The following SZT2 variants were observed in gnomAD, a reference collection of about 807,000 sequenced individuals.
SZT2 encodes the protein SZT2 subunit of KICSTOR complex.
A neutral mutation model predicts 404.2 loss-of-function variants in SZT2; 216 were observed. That is an observed-to-expected ratio of 0.53 (90% confidence interval 0.48 to 0.60). The LOEUF is 0.60. Ranked by LOEUF, SZT2 falls within the 20% of genes least tolerant of loss-of-function variation. The probability of loss-of-function intolerance (pLI) is 0.00; values close to 1 mark genes in which losing one functional copy is unlikely to be tolerated. For missense variants in SZT2, 3,857 were observed against 4,459.2 expected (o/e 0.86, Z 3.85); for synonymous variants, 1,693 against 1,749.9 (o/e 0.97, Z 0.81).
intron 41 of SZT2, 66 bp downstream of exon 41, chr1:43,434,551 G>A (rs865896029): frequency 9.0e-6 from 12 of 1,327,104 alleles, no homozygotes; most frequent in Non-Finnish European, 1.2e-5. Flanking sequence ...CTAAGAACTT[G>A]ATTTTCAGAG....
At chr1:43,401,476 T>C (rs995361405) in intron 1 of SZT2, among the ~76,000 whole-genome samples, 2 of 152,066 alleles carry the variant, frequency 1.3e-5, no homozygotes, top group African/African-American at 4.8e-5. Flanking sequence ...ACTTTTTTTT[T>C]CTTACTTTTT....
At chr1:43,407,228 G>A (rs996073695) in intron 4 of SZT2, among the ~76,000 whole-genome samples, 2 of 152,178 alleles carry the variant, frequency 1.3e-5, no homozygotes, top group East Asian at 1.9e-4. Flanking sequence ...TCCTGGCTGG[G>A]CGCAGTGGCT....
In SZT2 at chr1:43,439,529, T is replaced by A. The variant is rs1428792205; in HGVS notation, c.6878-76T>A. On this transcript the variant is annotated intron_variant, in intron 49 of 71. Coordinates refer to ENST00000634258, the MANE Select transcript of SZT2 (RefSeq NM_001365999.1). This position sits in a 1 kb window ranked among gnomAD's most constrained non-coding sequence, Gnocchi z 4.2. ...TTGCTAAGAGGACATTTCCCAGGCT[T>A]GCAGCTGAGTGGAGGGTCGTGGGAG... 3.1e-6 allele frequency: 5 copies of A among 1,603,784 alleles called. No homozygotes were observed. The highest frequency in any genetic ancestry group is 4.3e-6 in the Non-Finnish European group (5 of 1,174,590).
intron 33 of SZT2, 55 bp downstream of exon 33, chr1:43,431,145 C>T: frequency 6.3e-7 from 1 of 1,592,338 alleles, no homozygotes; most frequent in Non-Finnish European, 8.5e-7. Flanking sequence ...AGGGGGACCA[C>T]TAAGCGAATC....
At position 43,430,083 on chromosome 1, in the gene SZT2, C is replaced by T. The variant is rs1312192013; in HGVS notation, c.4381C>T (p.Pro1461Ser). 5 of 1,614,106 alleles carry T rather than the reference C, an allele frequency of 3.1e-6. No homozygotes were observed. Among genetic ancestry groups the T allele is most frequent in the South Asian group, 1.1e-5 (1 of 91,070 alleles). Residue 1461 changes from proline (P) to serine (S), a missense_variant, in exon 30 of 72, where the codon CCT becomes TCT. Pro to Ser is a moderately conservative substitution (Grantham distance 74, BLOSUM62 -1). Coordinates refer to ENST00000634258, the MANE Select transcript of SZT2 (RefSeq NM_001365999.1). ...PSNPHYFFYC[P>S]PSSRREDEGP... ...CAATCCCCACTACTTCTTCTATTGC[C>T]CTCCATCCAGCAGGCGAGAAGTGAG...
At chr1:43,429,574 C>G in intron 28 of SZT2, 129 bp from the exon 29 acceptor site, 1 of 1,125,560 alleles carries the variant, frequency 8.9e-7, no homozygotes, top group Non-Finnish European at 1.3e-6. Context: ...CTTTTACCAC[C>G]CATGCCATTA....
In SZT2 at chr1:43,422,226, G is replaced by A. The variant is rs777524473; in HGVS notation, c.1769+1G>A. The A allele has an allele frequency of 1.9e-6, 3 of 1,579,730 alleles. No individual in the cohort carries two copies. The highest frequency in any genetic ancestry group is 1.1e-5 in the South Asian group (1 of 89,892). Reference sequence around the variant, plus strand: ...TGGTGCTAATCCTGGAGCATGACACGTGGGTGCCCTTAGGGCTGGGCCATA... The same window carrying A: ...TGGTGCTAATCCTGGAGCATGACACATGGGTGCCCTTAGGGCTGGGCCATA... On this transcript the variant is annotated splice_donor_variant, in intron 12 of 71. Transcript: ENST00000634258. LOFTEE classifies it high-confidence loss of function.
Position 43,435,268 on chromosome 1 carries a change from A to C in SZT2, c.5973A>C (p.Glu1991Asp). Residue 1991 changes from glutamate (E) to aspartate (D), a missense_variant, in exon 42 of 72, where the codon GAA (glutamate) becomes GAC (aspartate). Around this residue, in one of 7 missense-constraint regions of SZT2, gnomAD observed 1,725 missense variants for 1,881.0 expected, o/e 0.92. Transcript: ENST00000634258. ...CNSLLVAESE[E>D]DLWRSETPFH... ...CTCTTCTGGTGGCCGAGAGTGAAGA[A>C]GATCTGTGGCGCAGTGAGACTCCCT... The C allele has an allele frequency of 6.2e-7, 1 of 1,614,224 alleles. No homozygotes were observed. The highest frequency in any genetic ancestry group is 8.5e-7 in the Non-Finnish European group (1 of 1,180,034).
rs866383365 is a variant in SZT2 at position 43,442,505 on chromosome 1, C to T, written c.8038C>T (p.Arg2680Cys). 11 of 1,614,116 alleles carry T rather than the reference C, an allele frequency of 6.8e-6. No individual in the cohort carries two copies. The highest frequency in any genetic ancestry group is 3.3e-5 in the South Asian group (3 of 91,084). Residue 2680 changes from arginine to cysteine, a missense_variant, in exon 58 of 72, where the codon CGC becomes TGC. By Grantham distance (180) the Arg-to-Cys change is radical. Transcript: ENST00000634258. This position sits in a 1 kb window ranked among gnomAD's most constrained non-coding sequence, Gnocchi z 4.5. ...LGAALGRALV[R>C]LVQWQNARAH... ...GGCAGCATTGGGCCGAGCGCTGGTTCGCCTGGTGCAGTGGCAGAATGCACG... is the reference window on the plus strand; with the variant it reads ...GGCAGCATTGGGCCGAGCGCTGGTTTGCCTGGTGCAGTGGCAGAATGCACG...
At chr1:43,413,040 C>T (rs942791740) in intron 4 of SZT2, among the ~76,000 whole-genome samples, 3 of 152,100 alleles carry the variant, frequency 2.0e-5, no homozygotes, top group Admixed American at 6.6e-5. Context: ...GAAAAGGTAA[C>T]GTTGTGCACT....
chr1:43,416,760 G>A (rs1045179485), intron 7 of SZT2, 119 bp downstream of exon 7: 10 of 747,418 alleles, frequency 1.3e-5, no homozygotes, highest in Middle Eastern at 2.4e-4. Context: ...TAGTTACATG[G>A]GGGGAAGGAG....
chr1:43,405,859 C>G (rs1480017393), intron 4 of SZT2: 1 of 152,258 alleles, frequency 6.6e-6, no homozygotes, highest in Non-Finnish European at 1.5e-5. Context: ...GAAGCCTGAG[C>G]TATACCAGGC....
rs199939601 is a variant in SZT2, at chr1:43,439,746, C to T, written c.7019C>T (p.Pro2340Leu). The change falls in exon 50 of 72, where the codon CCG becomes CTG. Residue 2340 changes from proline to leucine, a missense_variant. Coordinates refer to ENST00000634258, the MANE Select transcript of SZT2 (RefSeq NM_001365999.1). This position sits in a 1 kb window ranked among gnomAD's most constrained non-coding sequence, Gnocchi z 4.2. ...FEQLTQVIRC[P>L]VVVDSSSAQN... ...CAACTGACCCAGGTCATCCGCTGCC[C>T]GGTTGTTGTGGACAGTTCTTCAGGT... 2.6e-5 allele frequency: 41 copies of T among 1,601,952 alleles called. No individual in the cohort carries two copies. The highest frequency in any genetic ancestry group is 1.1e-4 in the African/African-American group (8 of 74,782).
In SZT2 at chr1:43,453,301, G is replaced by T; in HGVS notation, c.*2821G>T. 1 of 867,812 alleles carries T rather than the reference G, an allele frequency of 1.2e-6. No individual in the cohort carries two copies. Among genetic ancestry groups the T allele is most frequent in the Non-Finnish European group, 1.8e-6 (1 of 560,162 alleles). The allele number at this position is 867,812 out of a possible 1,614,324, so 53.8% of individuals were successfully genotyped here. ...TAAACCAGTGGGCTCAGACTTCTGA[G>T]CGTCTCAGATCTGGCGTCCTCGACT... On this transcript the variant is annotated 3_prime_UTR_variant, in exon 72 of 72. Transcript: ENST00000634258.
Position 43,437,719 on chromosome 1 carries a change from C to T in SZT2, c.6396+19C>T, listed in dbSNP as rs756799362. On this transcript the variant is annotated intron_variant, in intron 45 of 71. Coordinates refer to ENST00000634258, the MANE Select transcript of SZT2 (RefSeq NM_001365999.1). The surrounding 1 kb of genome is among the most constrained non-coding windows in gnomAD (Gnocchi z 5.3). ...AGCCTCGGCATGTATCACTCCCACT[C>T]TCTGATGCCCCTGTGTTCCTCTTGC... is the stretch of plus-strand genomic sequence containing the variant. 39 of 1,614,162 alleles carry T rather than the reference C, an allele frequency of 2.4e-5. No individual in the cohort carries two copies. The highest frequency in any genetic ancestry group is 3.3e-5 in the Non-Finnish European group (39 of 1,180,010).
Position 43,432,423 on chromosome 1 carries a change from A to G in SZT2, c.5426A>G (p.Glu1809Gly), listed in dbSNP as rs368450227. Residue 1809 changes from glutamate (E) to glycine (G), a missense_variant, in exon 37 of 72, where the codon GAA becomes GGA. By Grantham distance (98) the Glu-to-Gly change is moderately conservative (BLOSUM62 -2). Coordinates refer to ENST00000634258, the MANE Select transcript of SZT2 (RefSeq NM_001365999.1). The part of the protein sequence containing the change: ...WAWHSHEDRA[E>G]GIEGETLTAS... ...TGGCACAGTCATGAGGACAGGGCTG[A>G]AGGCATCGAAGGGGAGGTGAGTCTC... The G allele has an allele frequency of 1.3e-6, 2 of 1,569,420 alleles. No homozygotes were observed. The highest frequency in any genetic ancestry group is 2.7e-5 in the African/African-American group (2 of 73,224).
At position 43,452,213 on chromosome 1, in the gene SZT2, A is replaced by G. The variant is rs879674764; in HGVS notation, c.*1733A>G. 1 of 1,612,846 alleles carries G rather than the reference A, an allele frequency of 6.2e-7. No homozygotes were observed. Among genetic ancestry groups the G allele is most frequent in the South Asian group, 1.1e-5 (1 of 90,830 alleles). On this transcript the variant is annotated 3_prime_UTR_variant, in exon 72 of 72. Coordinates refer to ENST00000634258, the MANE Select transcript of SZT2 (RefSeq NM_001365999.1). ...GTTTCCACCTTTCTCACCTGAGCCA[A>G]AACCCCAGCTGCATGCCTCAGGTTC...
chr1:43,423,718 T>C (rs1448217265), intron 15 of SZT2, among the ~76,000 whole-genome samples: 4 of 144,466 alleles, frequency 2.8e-5, no homozygotes, highest in Non-Finnish European at 6.0e-5. Context: ...CTTAGCGGGG[T>C]ATGAGTGGTA....
At position 43,453,707 on chromosome 1, in the gene SZT2, G is replaced by A; in HGVS notation, c.*3227G>A. ...CCACCTCGACGGCCTCGAAGCCCGAGCTGCCCGCGGCCCGCACCCGCGCGG... is the reference window on the plus strand; with the variant it reads ...CCACCTCGACGGCCTCGAAGCCCGAACTGCCCGCGGCCCGCACCCGCGCGG... On this transcript the variant is annotated 3_prime_UTR_variant, in exon 72 of 72. Coordinates refer to ENST00000634258, the MANE Select transcript of SZT2 (RefSeq NM_001365999.1). The A allele has an allele frequency of 7.1e-7, 1 of 1,417,088 alleles. No homozygotes were observed. The highest frequency in any genetic ancestry group is 1.5e-5 in the South Asian group (1 of 67,108). 87.8% of individuals were successfully genotyped at this position (1,417,088 alleles called of 1,614,324 possible). A position where few individuals can be genotyped will look rare whatever the true frequency, so the allele number is the denominator to read the frequency against.
Sources: allele counts gnomAD v4.1 joint callset (sites outside exome capture counted in the v4.1 genomes callset), GRCh38; gene constraint gnomAD v4.1.1; regional missense constraint gnomAD v4.1.1; non-coding constraint Gnocchi (gnomAD v3.1); transcripts MANE v1.5; gene names NCBI Gene and HGNC (gene_info 2026-07-23, HGNC 2026-07-21).